SPPL2B: variants seen among roughly 807,000 people sequenced by gnomAD.
The protein encoded by SPPL2B is signal peptide peptidase-like 2B.
SPPL2B carries 39 observed loss-of-function variants against 59.7 expected under a neutral mutation model. The observed-to-expected ratio is 0.65, with a 90% CI of 0.51 to 0.85. The LOEUF is 0.85. SPPL2B is among the 40% of genes least tolerant of loss of function. The pLI, the probability that SPPL2B is intolerant of heterozygous loss-of-function variation, is 0.00. For missense variants in SPPL2B, 865 were observed against 849.0 expected (o/e 1.02, Z -0.23); for synonymous variants, 419 against 370.8 (o/e 1.13, Z -1.49).
intron 1 of SPPL2B, among the ~76,000 whole-genome samples, chr19:2,331,915 T>G (rs1032977310): frequency 6.6e-6 from 1 of 152,214 alleles, no homozygotes; most frequent in Non-Finnish European, 1.5e-5. Flanking sequence ...ACACAGAAGG[T>G]GGGCCGGACT....
rs149612679 is a variant in SPPL2B at position 2,344,878 on chromosome 19, C to T, written c.1276+226C>T. The stretch of plus-strand genomic sequence containing the variant: ...TGTTCCTAGGGAGCGGGGAAGGCCC[C>T]CCGATTGCAGACAGCCTCACCCCAT... On this transcript the variant is annotated intron_variant, in intron 12 of 14. Coordinates refer to ENST00000613503, the MANE Select transcript of SPPL2B (RefSeq NM_152988.3). Among the ~76,000 whole-genome samples the T allele has an allele frequency of 3.1e-3, 471 of 152,248 alleles. 3 individuals carry two copies. Among genetic ancestry groups the T allele is most frequent in the African/African-American group, 0.011 (448 of 41,552 alleles).
At chr19:2,336,661 G>C (rs1822555107) in intron 2 of SPPL2B, among the ~76,000 whole-genome samples, 1 of 150,916 alleles carries the variant, frequency 6.6e-6, no homozygotes, top group Non-Finnish European at 1.5e-5. Flanking sequence ...GTGTGCATGT[G>C]TGTAATAGGC....
At position 2,337,662 on chromosome 19, in the gene SPPL2B, A is replaced by AGGGGCAGGAGGGG. The variant is rs774241824; in HGVS notation, c.369+40_369+52dup. 2.7e-6 allele frequency: 4 copies of AGGGGCAGGAGGGG among 1,498,556 alleles called. No homozygotes were observed. In the African/African-American group the frequency reaches 5.6e-5, roughly 21 times the overall value. 92.8% of individuals were successfully genotyped at this position (1,498,556 alleles called of 1,614,324 possible). A position where few individuals can be genotyped will look rare whatever the true frequency, so the allele number is the denominator to read the frequency against. ...TGCGTCCCCCGCTGGGCCAGCTCTC[A>AGGGGCAGGAGGGG]GGGGCAGGAGGGGGGTGCAGGAGGC... On this transcript the variant is annotated intron_variant, in intron 3 of 14. Transcript: ENST00000613503.
chr19:2,346,509 A>G (rs1969379829), intron 13 of SPPL2B, among the ~76,000 whole-genome samples: 1 of 152,140 alleles, frequency 6.6e-6, no homozygotes, highest in Non-Finnish European at 1.5e-5. Flanking sequence ...CTGCAGAAGA[A>G]TGCAAAAATT....
intron 1 of SPPL2B, among the ~76,000 whole-genome samples, chr19:2,330,965 G>A (rs1192624515): frequency 2.0e-5 from 3 of 152,206 alleles, no homozygotes; most frequent in Non-Finnish European, 4.4e-5. Context: ...AGTGCTTCGC[G>A]GCAGTGGAAA....
chr19:2,331,580 A>G (rs1398157429), intron 1 of SPPL2B, among the ~76,000 whole-genome samples: 1 of 152,080 alleles, frequency 6.6e-6, no homozygotes, highest in East Asian at 1.9e-4. Context: ...TTGTTTTTTT[A>G]ATGGAAAACC....
At position 2,343,952 on chromosome 19, in the gene SPPL2B, G is replaced by C. The variant is rs908350547; in HGVS notation, c.1039-13G>C. 2.6e-6 allele frequency: 4 copies of C among 1,546,218 alleles called. No individual in the cohort carries two copies. Among genetic ancestry groups the C allele is most frequent in the Admixed American group, 3.9e-5 (2 of 50,940 alleles). Reference sequence around the variant, plus strand: ...GCCGGGGTGGGGGCCGCCCTCAGCCGTGGGCTTCGCAGGCCTGCACGCTGC... The same window carrying C: ...GCCGGGGTGGGGGCCGCCCTCAGCCCTGGGCTTCGCAGGCCTGCACGCTGC... On this transcript the variant is annotated splice_polypyrimidine_tract_variant and intron_variant, in intron 9 of 14. Coordinates refer to ENST00000613503, the MANE Select transcript of SPPL2B (RefSeq NM_152988.3).
At position 2,353,263 on chromosome 19, in the gene SPPL2B, C is replaced by A. The variant is rs1415085087; in HGVS notation, c.*54C>A. On this transcript the variant is annotated 3_prime_UTR_variant, in exon 15 of 15. Transcript: ENST00000613503. ...CCGCCACACCAAGATGTTGGGGCTG[C>A]CTGGCGCCCACTGGAGACAGACAGA... The A allele has an allele frequency of 6.5e-7, 1 of 1,548,450 alleles. No homozygotes were observed. Among genetic ancestry groups the A allele is most frequent in the Non-Finnish European group, 8.6e-7 (1 of 1,157,440 alleles).
At chr19:2,345,158 C>A in intron 12 of SPPL2B, 95 bp from the exon 13 acceptor site, 2 of 960,004 alleles carry the variant, frequency 2.1e-6, no homozygotes, top group East Asian at 2.5e-5. Flanking sequence ...AGGCCCACGG[C>A]GCCCACAGGT....
Position 2,352,999 on chromosome 19 carries a change from T to C in SPPL2B, c.1569T>C (p.Pro523=). The C allele has an allele frequency of 6.2e-7, 1 of 1,611,740 alleles. No homozygotes were observed. Among genetic ancestry groups the C allele is most frequent in the African/African-American group, 1.3e-5 (1 of 74,866 alleles). The change falls in exon 15 of 15, where the codon CCT becomes CCC. Residue 523 remains proline, a synonymous_variant. Coordinates refer to ENST00000613503, the MANE Select transcript of SPPL2B (RefSeq NM_152988.3). ...WAPAPADGPQ[P]PKDSATPLSP... ...CAGCACCAGCCGACGGCCCGCAGCC[T>C]CCCAAAGACTCTGCCACGCCACTCT... is the stretch of plus-strand genomic sequence containing the variant.
At chr19:2,334,971 G>A (rs1281165011) in intron 2 of SPPL2B, among the ~76,000 whole-genome samples, 1 of 152,218 alleles carries the variant, frequency 6.6e-6, no homozygotes, top group Middle Eastern at 3.4e-3. Context: ...GTAGATAAGG[G>A]TCTCTACTGC....
At chr19:2,342,788 G>A (rs1293097972) in intron 8 of SPPL2B, 1 of 196,696 alleles carries the variant, frequency 5.1e-6, no homozygotes, top group Non-Finnish European at 1.1e-5. Context: ...AGTGACTGAG[G>A]GGACGCAGCC....
chr19:2,340,281 C>T, intron 7 of SPPL2B, 109 bp downstream of exon 7: 3 of 888,126 alleles, frequency 3.4e-6, no homozygotes, highest in East Asian at 2.7e-5. Flanking sequence ...GAGTCTACAG[C>T]AGGCGCTCCC....
rs918113359 is a variant in SPPL2B at position 2,339,893 on chromosome 19, G to A, written c.669G>A (p.Pro223=). The A allele has an allele frequency of 1.9e-6, 3 of 1,588,900 alleles. No individual in the cohort carries two copies. The highest frequency in any genetic ancestry group is 2.6e-6 in the Non-Finnish European group (3 of 1,167,806). The stretch of plus-strand genomic sequence containing the variant: ...AGGACGAGGCGGTGGACGTGACGCC[G>A]GTGATGACCTGCGTGTTTGTGGTGA... ...KQEDEAVDVT[P]VMTCVFVVMC... is the part of the protein sequence containing the mutation. Residue 223 remains proline (P), a synonymous_variant, in exon 6 of 15, where the codon CCG becomes CCA. Transcript: ENST00000613503.
At chr19:2,340,377 A>C (rs1968956455) in intron 7 of SPPL2B, 1 of 592,478 alleles carries the variant, frequency 1.7e-6, no homozygotes, top group Non-Finnish European at 3.0e-6. Context: ...GCCAGGCGCC[A>C]GGGGTGGCGG....
intron 13 of SPPL2B, 85 bp from the exon 14 acceptor site, chr19:2,351,349 C>T (rs1157090844): frequency 1.7e-5 from 20 of 1,197,472 alleles, no homozygotes; most frequent in Non-Finnish European, 2.0e-5. Flanking sequence ...CCTCCACCAA[C>T]CCCAGCCCGC....
chr19:2,334,516 C>T, intron 1 of SPPL2B, 86 bp from the exon 2 acceptor site: 1 of 1,497,512 alleles, frequency 6.7e-7, no homozygotes, highest in Non-Finnish European at 8.9e-7. Flanking sequence ...TGGAGGCGTC[C>T]TCCCCTCCTC....
At chr19:2,338,872 C>T (rs912889438) in intron 4 of SPPL2B, 31 bp downstream of exon 4, 2 of 1,600,958 alleles carry the variant, frequency 1.2e-6, no homozygotes, top group Non-Finnish European at 1.7e-6. Context: ...ACCCACGCTC[C>T]CGAGGAGATG....
intron 8 of SPPL2B, chr19:2,342,348 A>C (rs1468887167): frequency 6.6e-6 from 1 of 152,322 alleles, no homozygotes; most frequent in Admixed American, 6.5e-5. Context: ...CTGGTGTGGC[A>C]CAAGTTTTAA....
Sources: allele counts gnomAD v4.1 joint callset (sites outside exome capture counted in the v4.1 genomes callset), GRCh38; gene constraint gnomAD v4.1.1; transcripts MANE v1.5; gene names NCBI Gene and HGNC (gene_info 2026-07-23, HGNC 2026-07-21).